The following TMEM163 variants were observed in gnomAD, a reference collection of about 807,000 sequenced individuals.
The protein encoded by TMEM163 is transmembrane protein 163.
Under a neutral mutation model 29.3 loss-of-function variants are expected in TMEM163, and 17 were observed. The observed-to-expected ratio is 0.58, with a 90% CI of 0.40 to 0.87. The LOEUF (loss-of-function observed/expected upper bound fraction) is 0.87, where lower values mean the gene tolerates loss of function less well. TMEM163 is among the 40% of genes least tolerant of loss of function. The pLI is 0.00. For missense variants in TMEM163, 303 were observed against 381.5 expected, an observed-to-expected ratio of 0.79 and a Z score of 1.71; for synonymous variants, 157 against 160.6, an observed-to-expected ratio of 0.98 and a Z score of 0.17.
intron 4 of TMEM163, among the ~76,000 whole-genome samples, chr2:134,511,967 C>T (rs754180511): frequency 1.3e-5 from 2 of 152,130 alleles, no homozygotes; most frequent in Admixed American, 6.5e-5. Context: ...GGAATAGAAG[C>T]CTGCTTTAGG....
chr2:134,684,249 C>A (rs1403463796), intron 2 of TMEM163, among the ~76,000 whole-genome samples: 1 of 152,140 alleles, frequency 6.6e-6, no homozygotes, highest in Non-Finnish European at 1.5e-5. Flanking sequence ...CACCTTCTAT[C>A]TGCGAGTAAA....
intron 4 of TMEM163, among the ~76,000 whole-genome samples, chr2:134,518,480 A>C (rs552306366): frequency 1.3e-5 from 2 of 152,348 alleles, no homozygotes; most frequent in African/African-American, 4.8e-5. Context: ...TGGGAAATTA[A>C]GGAACCTAAA....
At chr2:134,602,456 C>T (rs1260403847) in intron 2 of TMEM163, among the ~76,000 whole-genome samples, 4 of 152,106 alleles carry the variant, frequency 2.6e-5, no homozygotes, top group African/African-American at 4.8e-5. Flanking sequence ...GGATTGCTGC[C>T]AAGAAGGACT....
intron 2 of TMEM163, among the ~76,000 whole-genome samples, chr2:134,563,282 C>T (rs76230921): frequency 2.0e-5 from 3 of 152,266 alleles, no homozygotes; most frequent in East Asian, 3.9e-4. Context: ...TCAGGTGCCC[C>T]GAGAATAAGT....
chr2:134,598,482 A>T (rs1682143906), intron 2 of TMEM163, among the ~76,000 whole-genome samples: 2 of 152,242 alleles, frequency 1.3e-5, no homozygotes, highest in Non-Finnish European at 2.9e-5. Context: ...GAAAAAATAG[A>T]GGCCACAGCT....
chr2:134,606,898 G>T (rs1682382772), intron 2 of TMEM163, among the ~76,000 whole-genome samples: 1 of 152,246 alleles, frequency 6.6e-6, no homozygotes, highest in Non-Finnish European at 1.5e-5. Context: ...CTCGGGTGTG[G>T]CGCAGCAATG....
At chr2:134,469,652 G>C (rs574699852) in intron 5 of TMEM163, 1 of 151,802 alleles carries the variant, frequency 6.6e-6, no homozygotes, top group Non-Finnish European at 1.5e-5. Flanking sequence ...TGGCTCCACG[G>C]GCTCGCCCAG....
At position 134,485,340 on chromosome 2, in the gene TMEM163, G is replaced by A. The variant is rs759895630; in HGVS notation, c.555+17561C>T. ...TGTGAAAAACAGAATGGTTACATGG[G>A]TCCTTGAAGTATGTTTCTGCTGAAT... On this transcript the variant is annotated intron_variant, in intron 5 of 7. Transcript: ENST00000281924. Among the ~76,000 whole-genome samples, 49 of 152,328 alleles carry A rather than the reference G, an allele frequency of 3.2e-4. 1 individual carries two copies. Among genetic ancestry groups the A allele is most frequent in the Middle Eastern group, 6.8e-3 (2 of 294 alleles).
intron 2 of TMEM163, among the ~76,000 whole-genome samples, chr2:134,671,781 C>T (rs1684001995): frequency 6.6e-6 from 1 of 152,208 alleles, no homozygotes. Flanking sequence ...GAGCCACACC[C>T]AGCCATCTGA....
At chr2:134,550,004 G>A (rs2106507190) in intron 4 of TMEM163, among the ~76,000 whole-genome samples, 2 of 152,282 alleles carry the variant, frequency 1.3e-5, no homozygotes, top group South Asian at 4.1e-4. Context: ...TACGGAACCT[G>A]TGTCCTTATT....
At chr2:134,686,666 A>T (rs573883038) in intron 2 of TMEM163, among the ~76,000 whole-genome samples, 2 of 152,328 alleles carry the variant, frequency 1.3e-5, no homozygotes, top group South Asian at 4.1e-4. Flanking sequence ...CATTTGATAC[A>T]AATTTAACCA....
chr2:134,485,676 A>C (rs575702182), intron 5 of TMEM163, among the ~76,000 whole-genome samples: 1 of 152,308 alleles, frequency 6.6e-6, no homozygotes, highest in Admixed American at 6.5e-5. Flanking sequence ...CTTTACTTAA[A>C]GACAACTGAT....
chr2:134,643,900 C>T (rs938605403), intron 2 of TMEM163, among the ~76,000 whole-genome samples: 9 of 151,724 alleles, frequency 5.9e-5, no homozygotes, highest in African/African-American at 1.9e-4. Context: ...AAGGAAACTC[C>T]TAGGACTAAT....
At chr2:134,598,368 A>C (rs930190600) in intron 2 of TMEM163, among the ~76,000 whole-genome samples, 2 of 152,152 alleles carry the variant, frequency 1.3e-5, no homozygotes, top group Admixed American at 1.3e-4. Context: ...AGTAGCTAGC[A>C]CTATGTACTA....
chr2:134,474,722 C>G (rs1242376162), intron 5 of TMEM163, among the ~76,000 whole-genome samples: 3 of 152,126 alleles, frequency 2.0e-5, no homozygotes, highest in African/African-American at 4.8e-5. Context: ...TTTCTGTACA[C>G]TAGCTAGAAA....
intron 6 of TMEM163, among the ~76,000 whole-genome samples, chr2:134,464,786 C>T (rs1343950591): frequency 6.6e-6 from 1 of 152,118 alleles, no homozygotes; most frequent in East Asian, 1.9e-4. Flanking sequence ...TGTCGACAGT[C>T]CCACCACCTC....
chr2:134,628,046 T>G (rs557515953), intron 2 of TMEM163, among the ~76,000 whole-genome samples: 1 of 152,272 alleles, frequency 6.6e-6, no homozygotes, highest in Non-Finnish European at 1.5e-5. Flanking sequence ...TGAAAAAATG[T>G]GGGGAAATGT....
intron 2 of TMEM163, among the ~76,000 whole-genome samples, chr2:134,659,780 C>T (rs10210052): frequency 0.47 from 71,780 of 151,766 alleles, 17,902 homozygotes; most frequent in Non-Finnish European, 0.56. Context: ...CCCATCTCTA[C>T]GAAAAATTTA....
At chr2:134,655,048 G>A (rs1683568168) in intron 2 of TMEM163, among the ~76,000 whole-genome samples, 1 of 112,898 alleles carries the variant, frequency 8.9e-6, no homozygotes, top group Admixed American at 8.9e-5. Context: ...TTCTCGAGGA[G>A]TATCTTTGTG....
Sources: allele counts gnomAD v4.1 joint callset (sites outside exome capture counted in the v4.1 genomes callset), GRCh38; gene constraint gnomAD v4.1.1; transcripts MANE v1.5; gene names NCBI Gene and HGNC (gene_info 2026-07-23, HGNC 2026-07-21).